Variants in LRBA observed in about 807,000 individuals in gnomAD.
The protein encoded by LRBA is lipopolysaccharide-responsive and beige-like anchor protein.
A neutral mutation model predicts 330.0 loss-of-function variants in LRBA; 176 were observed. The observed-to-expected ratio is 0.53, with a 90% CI of 0.47 to 0.60. LRBA has a LOEUF of 0.60. LRBA is among the 20% of genes least tolerant of loss of function. LRBA has a pLI of 0.00. For missense variants in LRBA, 3,259 were observed against 3,444.8 expected (o/e 0.95, Z 1.35); for synonymous variants, 1,230 against 1,193.0 (o/e 1.03, Z -0.64).
chr4:150,349,889 C>T (rs906420788), intron 48 of LRBA, 103 bp downstream of exon 48: 12 of 1,007,436 alleles, frequency 1.2e-5, no homozygotes, highest in African/African-American at 4.9e-5. Flanking sequence ...TCTAGTTTCA[C>T]TTTCTTCATC....
rs188736811 is a variant in LRBA, at chr4:150,454,693, G to C, written c.6780+12980C>G. On this transcript the variant is annotated intron_variant, in intron 44 of 56. Transcript: ENST00000651943. ...GCTTTTAGTATACTTGTCACCCAAA[G>C]AGTGTACCATAGGTGATCTTTCATC... Among the ~76,000 whole-genome samples, 68 of 152,146 alleles carry C rather than the reference G, an allele frequency of 4.5e-4. 1 individual carries two copies. Among genetic ancestry groups the C allele is most frequent in the Admixed American group, 3.9e-3 (59 of 15,258 alleles).
At chr4:150,430,700 T>C (rs1473084526) in intron 46 of LRBA, among the ~76,000 whole-genome samples, 3 of 152,076 alleles carry the variant, frequency 2.0e-5, no homozygotes, top group Non-Finnish European at 4.4e-5. Flanking sequence ...AATTTACTTT[T>C]GTACAGGTTA....
intron 40 of LRBA, among the ~76,000 whole-genome samples, chr4:150,492,206 T>G (rs1359102661): frequency 6.6e-6 from 1 of 151,742 alleles, no homozygotes; most frequent in East Asian, 1.9e-4. Flanking sequence ...CAAACCTTAT[T>G]TAAGTCAGTA....
At chr4:150,525,319 T>A (rs1763343985) in intron 40 of LRBA, among the ~76,000 whole-genome samples, 1 of 152,130 alleles carries the variant, frequency 6.6e-6, no homozygotes, top group South Asian at 2.1e-4. Context: ...ATTTCAGTGT[T>A]TTTCCATTAT....
At chr4:150,368,815 T>A (rs1371388040) in intron 47 of LRBA, among the ~76,000 whole-genome samples, 1 of 152,202 alleles carries the variant, frequency 6.6e-6, no homozygotes, top group Non-Finnish European at 1.5e-5. Context: ...TCTAAAGACA[T>A]TACTGCATTA....
At chr4:150,748,339 C>A (rs1314371847) in intron 35 of LRBA, among the ~76,000 whole-genome samples, 1 of 152,054 alleles carries the variant, frequency 6.6e-6, no homozygotes, top group Non-Finnish European at 1.5e-5. Context: ...AGAATGTAAG[C>A]CATGGTGTTG....
chr4:151,014,530 C>A lies in LRBA; in HGVS notation c.113G>T (p.Gly38Val), dbSNP rs757110699. The stretch of plus-strand genomic sequence containing the variant: ...CATTCTGATGCCCCTGATGGGGAGC[C>A]CTGGTTTCAGAGACAATGCACCCCC... ...TEGGALSLKP[G>V]LPIRGIRMKF... The change falls in exon 2 of 57, where the codon GGG (glycine) becomes GTG (valine). Residue 38 changes from glycine to valine, a missense_variant. Gly to Val is a moderately radical substitution (Grantham distance 109, BLOSUM62 -3). Transcript: ENST00000651943. 8.1e-6 allele frequency: 13 copies of A among 1,614,114 alleles called. No individual in the cohort carries two copies. The Admixed American group carries it at 1.0e-4, about 12-fold the overall frequency.
intron 2 of LRBA, among the ~76,000 whole-genome samples, chr4:150,998,785 T>C (rs572867216): frequency 2.0e-5 from 3 of 152,344 alleles, no homozygotes; most frequent in African/African-American, 4.8e-5. Flanking sequence ...TCTGCCTGTA[T>C]GTATAAATAC....
chr4:150,571,362 A>T (rs1490333694), intron 40 of LRBA, among the ~76,000 whole-genome samples: 1 of 152,100 alleles, frequency 6.6e-6, no homozygotes, highest in Non-Finnish European at 1.5e-5. Flanking sequence ...GAAGAAAAAC[A>T]ATGATTTTAA....
chr4:150,530,758 A>G (rs542685031), intron 40 of LRBA, among the ~76,000 whole-genome samples: 1 of 152,322 alleles, frequency 6.6e-6, no homozygotes, highest in East Asian at 1.9e-4. Context: ...CACAATTACT[A>G]AACAAGATTC....
At chr4:150,346,495 C>T (rs1243894092) in intron 48 of LRBA, among the ~76,000 whole-genome samples, 3 of 152,050 alleles carry the variant, frequency 2.0e-5, no homozygotes, top group Non-Finnish European at 2.9e-5. Flanking sequence ...GGTGCGGTGG[C>T]TCATGCCTGT....
chr4:150,592,527 A>C (rs1325046125), intron 38 of LRBA, among the ~76,000 whole-genome samples: 2 of 152,188 alleles, frequency 1.3e-5, no homozygotes, highest in African/African-American at 4.8e-5. Context: ...TGGGTAAATA[A>C]AATCTTTCAT....
chr4:150,379,736 T>C (rs938075634), intron 47 of LRBA, among the ~76,000 whole-genome samples: 3 of 152,186 alleles, frequency 2.0e-5, no homozygotes, highest in African/African-American at 7.2e-5. Context: ...TTACTAACTC[T>C]AGGAAGATAT....
At chr4:150,698,090 A>G (rs185079623) in intron 36 of LRBA, among the ~76,000 whole-genome samples, 4 of 152,302 alleles carry the variant, frequency 2.6e-5, no homozygotes, top group Non-Finnish European at 4.4e-5. Context: ...TTTGTATTAT[A>G]AAATGCTTGG....
At chr4:150,519,827 A>C (rs1762735582) in intron 40 of LRBA, among the ~76,000 whole-genome samples, 1 of 152,190 alleles carries the variant, frequency 6.6e-6, no homozygotes, top group African/African-American at 2.4e-5. Flanking sequence ...AATTGATAGG[A>C]GTTCCAGTTC....
intron 47 of LRBA, among the ~76,000 whole-genome samples, chr4:150,400,791 G>A (rs1169694505): frequency 1.3e-5 from 2 of 152,062 alleles, no homozygotes; most frequent in East Asian, 3.9e-4. Context: ...AGTAGGCTAT[G>A]ATCAGCCACT....
At chr4:150,880,326 C>G (rs751883993) in intron 17 of LRBA, among the ~76,000 whole-genome samples, 7 of 152,094 alleles carry the variant, frequency 4.6e-5, no homozygotes, top group African/African-American at 7.2e-5. Context: ...TTGAGACCAG[C>G]CTAGGCAACG....
At chr4:150,418,200 C>A (rs1328051971) in intron 46 of LRBA, among the ~76,000 whole-genome samples, 1 of 151,844 alleles carries the variant, frequency 6.6e-6, no homozygotes, top group Admixed American at 6.6e-5. Flanking sequence ...TAATTTTTTG[C>A]AGTGACAGGG....
chr4:150,745,794 G>C (rs547765038), intron 35 of LRBA, among the ~76,000 whole-genome samples: 1 of 151,404 alleles, frequency 6.6e-6, no homozygotes, highest in Non-Finnish European at 1.5e-5. Context: ...GATTACAGGC[G>C]TCAGCCACTG....
Sources: gnomAD v4.1 joint callset for allele counts (sites outside exome capture counted in the v4.1 genomes callset) on GRCh38, gnomAD v4.1.1 for gene constraint, MANE v1.5 for transcripts, NCBI Gene and HGNC (gene_info 2026-07-23, HGNC 2026-07-21) for gene names.